CAMKMT: variants seen among roughly 807,000 people sequenced by gnomAD.
CAMKMT encodes calmodulin-lysine N-methyltransferase, also known as CaM KMT.
In CAMKMT, 53 loss-of-function variants were observed where a neutral mutation model predicts 48.0. The observed-to-expected ratio is 1.10, with a 90% CI of 0.89 to 1.39. The LOEUF is 1.39. Ranked by LOEUF, CAMKMT falls within the 40% of genes most tolerant of loss-of-function variation. The pLI is 0.00. For missense variants in CAMKMT, 428 were observed against 402.7 expected (o/e 1.06, Z -0.54); for synonymous variants, 165 against 152.3 (o/e 1.08, Z -0.61).
intron 3 of CAMKMT, among the ~76,000 whole-genome samples, chr2:44,437,157 T>G (rs1391848196): frequency 6.6e-6 from 1 of 152,250 alleles, no homozygotes; most frequent in African/African-American, 2.4e-5. Flanking sequence ...TACATTTTAT[T>G]GAAGAATACA....
chr2:44,772,139 A>C lies in CAMKMT; in HGVS notation c.*26A>C. 6.3e-7 allele frequency: 1 copy of C among 1,583,170 alleles called. No homozygotes were observed. The highest frequency in any genetic ancestry group is 8.7e-7 in the Non-Finnish European group (1 of 1,154,404). The stretch of plus-strand genomic sequence containing the variant: ...AAGATTAAGCTTCTCAAAGACGAAG[A>C]AACGTATCAAGTGCATAGGGAATAT... On this transcript the variant is annotated 3_prime_UTR_variant, in exon 11 of 11. Coordinates refer to ENST00000378494, the MANE Select transcript of CAMKMT (RefSeq NM_024766.5).
intron 3 of CAMKMT, among the ~76,000 whole-genome samples, chr2:44,477,932 C>T (rs776738171): frequency 2.0e-5 from 3 of 152,164 alleles, no homozygotes; most frequent in Admixed American, 6.5e-5. Context: ...ATGGTACTTC[C>T]TCCATGTCCA....
intron 3 of CAMKMT, among the ~76,000 whole-genome samples, chr2:44,513,250 A>G (rs1412334061): frequency 8.0e-6 from 1 of 125,178 alleles, no homozygotes; most frequent in Non-Finnish European, 1.6e-5. Context: ...CCAATACCTT[A>G]TTCTTCACAC....
chr2:44,696,922 A>G lies in CAMKMT; in HGVS notation c.377-7361A>G, dbSNP rs545823645. ...ATTCAGAGAATGACCATCAATAACAATAGCATATATTAAAAGAACAATAAA... is the reference window on the plus strand; with the variant it reads ...ATTCAGAGAATGACCATCAATAACAGTAGCATATATTAAAAGAACAATAAA... On this transcript the variant is annotated intron_variant, in intron 3 of 10. Coordinates refer to ENST00000378494, the MANE Select transcript of CAMKMT (RefSeq NM_024766.5). Among the ~76,000 whole-genome samples, 3 of 152,288 alleles carry G rather than the reference A, an allele frequency of 2.0e-5. No homozygotes were observed. The South Asian group carries it at 6.2e-4, about 32-fold the overall frequency.
At chr2:44,474,547 T>C (rs1668588633) in intron 3 of CAMKMT, among the ~76,000 whole-genome samples, 1 of 152,120 alleles carries the variant, frequency 6.6e-6, no homozygotes, top group Non-Finnish European at 1.5e-5. Flanking sequence ...AAATGCTAAT[T>C]TTTTTCAAAG....
intron 2 of CAMKMT, among the ~76,000 whole-genome samples, chr2:44,379,757 G>C (rs1025339579): frequency 2.0e-5 from 3 of 150,568 alleles, no homozygotes; most frequent in African/African-American, 7.3e-5. Context: ...TTCTCTGCCT[G>C]CTTTTTTTTT....
chr2:44,596,876 T>A (rs1191165299), intron 3 of CAMKMT, among the ~76,000 whole-genome samples: 1 of 152,210 alleles, frequency 6.6e-6, no homozygotes, highest in Non-Finnish European at 1.5e-5. Context: ...TCTATTTTCA[T>A]TGCCAACAGA....
In CAMKMT at chr2:44,372,845, C is replaced by T. The variant is rs562008225; in HGVS notation, c.268C>T (p.Gln90Ter). 1 of 1,613,834 alleles carries T rather than the reference C, an allele frequency of 6.2e-7. No individual in the cohort carries two copies. The highest frequency in any genetic ancestry group is 1.1e-5 in the South Asian group (1 of 91,070). Residue 90 changes from glutamine (Q) to a stop codon, truncating the protein, a stop_gained, in exon 2 of 11, where the codon CAA becomes TAA. Coordinates refer to ENST00000378494, the MANE Select transcript of CAMKMT (RefSeq NM_024766.5). LOFTEE classifies it high-confidence loss of function. ...TGAAGAGGAGGTTGGTGCATGGGTCCAATATACAAGCATCTTCTGTCCTGA... is the reference window on the plus strand; with the variant it reads ...TGAAGAGGAGGTTGGTGCATGGGTCTAATATACAAGCATCTTCTGTCCTGA... ...ETEEEVGAWV[Q>*]YTSIFCPEYS... is the part of the protein sequence containing the mutation.
chr2:44,468,379 G>A (rs1001749731), intron 3 of CAMKMT, among the ~76,000 whole-genome samples: 4 of 152,138 alleles, frequency 2.6e-5, no homozygotes, highest in African/African-American at 9.7e-5. Flanking sequence ...ACAGAGAAGG[G>A]GGAGCTCATA....
intron 3 of CAMKMT, among the ~76,000 whole-genome samples, chr2:44,520,713 C>G (rs112493157): frequency 1.3e-5 from 2 of 152,212 alleles, no homozygotes; most frequent in African/African-American, 4.8e-5. Flanking sequence ...TGTCCCCACT[C>G]AAATCTCACC....
chr2:44,451,966 C>A (rs1297731993), intron 3 of CAMKMT, among the ~76,000 whole-genome samples: 1 of 151,672 alleles, frequency 6.6e-6, no homozygotes, highest in East Asian at 1.9e-4. Flanking sequence ...CTAAGCATAA[C>A]AATGCAAATA....
chr2:44,641,418 AG>A (rs1360227916), intron 3 of CAMKMT, among the ~76,000 whole-genome samples: 1 of 152,106 alleles, frequency 6.6e-6, no homozygotes, highest in Non-Finnish European at 1.5e-5. Flanking sequence ...TTCCCAGCTG[AG>A]GTGATAACAG....
intron 3 of CAMKMT, among the ~76,000 whole-genome samples, chr2:44,482,030 G>T (rs2104685169): frequency 6.6e-6 from 1 of 152,046 alleles, no homozygotes; most frequent in East Asian, 1.9e-4. Flanking sequence ...TTACCTAAAA[G>T]ATGTTCACAG....
chr2:44,537,052 T>C (rs1310251333), intron 3 of CAMKMT, among the ~76,000 whole-genome samples: 1 of 152,146 alleles, frequency 6.6e-6, no homozygotes. Context: ...TCCCAAACTA[T>C]GGAACTATTA....
chr2:44,541,985 G>A (rs1024777984), intron 3 of CAMKMT, among the ~76,000 whole-genome samples: 17 of 151,906 alleles, frequency 1.1e-4, no homozygotes, highest in African/African-American at 1.9e-4. Context: ...AAATTAAACC[G>A]GGCATGGTGG....
chr2:44,771,912 G>T, intron 10 of CAMKMT, 124 bp from the exon 11 acceptor site: 3 of 628,936 alleles, frequency 4.8e-6, no homozygotes, highest in South Asian at 2.1e-5. Context: ...GCTTTTCTGT[G>T]ATTTATTTTT....
chr2:44,407,250 C>G (rs968959260), intron 3 of CAMKMT, among the ~76,000 whole-genome samples: 7 of 152,088 alleles, frequency 4.6e-5, no homozygotes, highest in Admixed American at 3.3e-4. Flanking sequence ...TTTCAGCAGA[C>G]TTTGCACCCC....
chr2:44,399,124 G>GT (rs1439937487), intron 3 of CAMKMT, among the ~76,000 whole-genome samples: 1 of 152,170 alleles, frequency 6.6e-6, no homozygotes, highest in African/African-American at 2.4e-5. Flanking sequence ...ACTGGATCAG[G>GT]TGTAGTCTTT....
chr2:44,599,898 T>C (rs968191227), intron 3 of CAMKMT, among the ~76,000 whole-genome samples: 7 of 152,050 alleles, frequency 4.6e-5, no homozygotes, highest in African/African-American at 1.7e-4. Context: ...CATTCCAATG[T>C]GGGAATTTTT....
Sources: gnomAD v4.1 joint callset for allele counts (sites outside exome capture counted in the v4.1 genomes callset) on GRCh38, gnomAD v4.1.1 for gene constraint, MANE v1.5 for transcripts, NCBI Gene and HGNC (gene_info 2026-07-23, HGNC 2026-07-21) for gene names.